ARL6: variants seen among roughly 807,000 people sequenced by gnomAD.
ARL6 encodes ARF like GTPase 6.
ARL6 carries 18 observed loss-of-function variants against 27.1 expected under a neutral mutation model. The observed-to-expected ratio is 0.66, with a 90% CI of 0.46 to 0.98. ARL6 has a LOEUF of 0.98. Among genes scored for constraint, ARL6 ranks in the 50% least tolerant of loss-of-function variants. The pLI is 0.00. For missense variants in ARL6, 187 were observed against 214.9 expected (o/e 0.87, Z 0.81); for synonymous variants, 65 against 72.3 (o/e 0.90, Z 0.51).
rs2036467572 is a variant in ARL6, at chr3:97,768,072, T to G, written c.-27-9T>G. 6.2e-7 allele frequency: 1 copy of G among 1,611,014 alleles called. No homozygotes were observed. Among genetic ancestry groups the G allele is most frequent in the Non-Finnish European group, 8.5e-7 (1 of 1,177,808 alleles). ...CTTTGGGTAATATTTTATTTTTTCT[T>G]AATTGCAGCTGGTTTGTAAATATTT... On this transcript the variant is annotated splice_polypyrimidine_tract_variant and intron_variant, in intron 1 of 7. Transcript: ENST00000463745.
At chr3:97,786,777 T>C (rs1356349710) in intron 5 of ARL6, among the ~76,000 whole-genome samples, 1 of 152,288 alleles carries the variant, frequency 6.6e-6, no homozygotes. Flanking sequence ...AAAAGCTTAA[T>C]AGAAAATGGG....
At chr3:97,775,875 T>A (rs191285827) in intron 2 of ARL6, among the ~76,000 whole-genome samples, 1 of 152,356 alleles carries the variant, frequency 6.6e-6, no homozygotes, top group East Asian at 1.9e-4. Context: ...TAGAGAATGT[T>A]CCATTTGATG....
rs575229317 is a variant in ARL6 at position 97,779,638 on chromosome 3, G to A, written c.124-521G>A. Among the ~76,000 whole-genome samples the A allele has an allele frequency of 1.1e-4, 17 of 152,160 alleles. No homozygotes were observed. In the East Asian group the frequency reaches 2.5e-3, roughly 22 times the overall value. On this transcript the variant is annotated intron_variant, in intron 2 of 7. Transcript: ENST00000463745. ...TCCCAGCACTTTGGGAGCCCAGGGCGGGCAGATCACAAGGTTAGGAGATCG... is the reference window on the plus strand; with the variant it reads ...TCCCAGCACTTTGGGAGCCCAGGGCAGGCAGATCACAAGGTTAGGAGATCG...
chr3:97,793,825 AC>A (rs891409674), intron 7 of ARL6, among the ~76,000 whole-genome samples: 20 of 152,006 alleles, frequency 1.3e-4, no homozygotes, highest in African/African-American at 4.6e-4. Flanking sequence ...AAGCAGTAGT[AC>A]CTCTGTTTTA....
chr3:97,766,113 A>G (rs1158414799), intron 1 of ARL6: 1 of 152,200 alleles, frequency 6.6e-6, no homozygotes, highest in African/African-American at 2.4e-5. Flanking sequence ...CGAATATTCA[A>G]GCATCAGGCT....
intron 4 of ARL6, among the ~76,000 whole-genome samples, chr3:97,781,926 C>G (rs1272753944): frequency 6.6e-6 from 1 of 151,864 alleles, no homozygotes; most frequent in African/African-American, 2.4e-5. Context: ...TAATGTGAGA[C>G]CAAACATTAA....
rs528661409 is a variant in ARL6 at position 97,784,874 on chromosome 3, G to C, written c.255-81G>C. 115 of 958,564 alleles carry C rather than the reference G, an allele frequency of 1.2e-4. 1 individual carries two copies. The highest frequency in any genetic ancestry group is 1.1e-3 in the South Asian group (84 of 73,686). The allele number at this position is 958,564 out of a possible 1,614,324, so 59.4% of individuals were successfully genotyped here. A position where few individuals can be genotyped will look rare whatever the true frequency, so the allele number is the denominator to read the frequency against. On this transcript the variant is annotated intron_variant, in intron 4 of 7. Coordinates refer to ENST00000463745, the MANE Select transcript of ARL6 (RefSeq NM_001278293.3). The stretch of plus-strand genomic sequence containing the variant: ...TAGGACATAAGGAGATAATACTTAG[G>C]TTAGGAAATGCCCATGGATAATAAA...
chr3:97,786,100 C>G (rs2037444355), intron 5 of ARL6, among the ~76,000 whole-genome samples: 2 of 151,892 alleles, frequency 1.3e-5, no homozygotes, highest in South Asian at 4.1e-4. Flanking sequence ...GTAATCCCAG[C>G]ACTTTGGGAG....
chr3:97,798,009 G>A lies in ARL6; in HGVS notation c.536-15G>A. The A allele has an allele frequency of 6.2e-7, 1 of 1,612,296 alleles. No individual in the cohort carries two copies. On this transcript the variant is annotated splice_polypyrimidine_tract_variant and intron_variant, in intron 7 of 7. Transcript: ENST00000463745. ...CTATAGAGATTGATAATTTTTGTTT[G>A]TTTTTTGTTATCAGATCAGATCCAG...
At position 97,800,321 on chromosome 3, in the gene ARL6, A is replaced by G. The variant is rs778306776; in HGVS notation, c.*2272A>G. ...AGTGTGAATAAGCTGAGATTATTGC[A>G]TTTGTATTTAGCATATTATACAATT... On this transcript the variant is annotated 3_prime_UTR_variant, in exon 8 of 8. Transcript: ENST00000463745. 6.6e-6 allele frequency: 1 copy of G among 152,152 alleles called. No homozygotes were observed. Among genetic ancestry groups the G allele is most frequent in the Non-Finnish European group, 1.5e-5 (1 of 68,008 alleles). 9.4% of individuals were successfully genotyped at this position (152,152 alleles called of 1,614,324 possible). A position where few individuals can be genotyped will look rare whatever the true frequency, so the allele number is the denominator to read the frequency against.
chr3:97,775,316 T>C (rs1056084238), intron 2 of ARL6, among the ~76,000 whole-genome samples: 1 of 152,162 alleles, frequency 6.6e-6, no homozygotes, highest in Non-Finnish European at 1.5e-5. Flanking sequence ...AGTCCCACAA[T>C]ATACCATCTG....
chr3:97,768,286 T>G, intron 2 of ARL6, 56 bp downstream of exon 2: 1 of 1,568,466 alleles, frequency 6.4e-7, no homozygotes, highest in East Asian at 2.3e-5. Context: ...AAAATTAATG[T>G]GCAGAATTAT....
Position 97,798,112 on chromosome 3 carries a change from A to T in ARL6, c.*63A>T. 2 of 1,515,208 alleles carry T rather than the reference A, an allele frequency of 1.3e-6. No homozygotes were observed. The highest frequency in any genetic ancestry group is 1.8e-6 in the Non-Finnish European group (2 of 1,094,422). The allele number at this position is 1,515,208 out of a possible 1,614,324, so 93.9% of individuals were successfully genotyped here. A position where few individuals can be genotyped will look rare whatever the true frequency, so the allele number is the denominator to read the frequency against. On this transcript the variant is annotated 3_prime_UTR_variant, in exon 8 of 8. Transcript: ENST00000463745. ...AAGGAATCTATCTAAGACAAATAGA[A>T]TACATTTTGTAAAAGATGTTTATGC...
chr3:97,782,883 G>C (rs1290581629), intron 4 of ARL6, among the ~76,000 whole-genome samples: 1 of 150,470 alleles, frequency 6.6e-6, no homozygotes. Context: ...ACTATGTATA[G>C]AAAGAAGAAA....
At chr3:97,784,824 CA>C (rs966487952) in intron 4 of ARL6, 130 bp from the exon 5 acceptor site, 5 of 595,104 alleles carry the variant, frequency 8.4e-6, no homozygotes, top group African/African-American at 7.4e-5. Context: ...GAAACAACAC[CA>C]AAAATTCTAA....
intron 5 of ARL6, among the ~76,000 whole-genome samples, chr3:97,787,105 A>G (rs767781713): frequency 1.3e-4 from 20 of 152,210 alleles, no homozygotes; most frequent in Non-Finnish European, 2.6e-4. Context: ...CTATATACAC[A>G]TTTATTCATT....
intron 7 of ARL6, among the ~76,000 whole-genome samples, chr3:97,792,452 C>T (rs1169287439): frequency 6.6e-6 from 1 of 152,106 alleles, no homozygotes; most frequent in East Asian, 1.9e-4. Flanking sequence ...CACAGCACTC[C>T]AGCCTGGCAA....
intron 4 of ARL6, among the ~76,000 whole-genome samples, chr3:97,781,477 G>A (rs2037197030): frequency 6.6e-6 from 1 of 152,088 alleles, no homozygotes; most frequent in African/African-American, 2.4e-5. Flanking sequence ...GAGGTCATAT[G>A]TAGGCATTGT....
At chr3:97,776,015 C>CT (rs1276590681) in intron 2 of ARL6, among the ~76,000 whole-genome samples, 2 of 152,186 alleles carry the variant, frequency 1.3e-5, no homozygotes, top group Non-Finnish European at 2.9e-5. Flanking sequence ...AATGATCTGT[C>CT]TATTACTGAG....
Sources: allele counts gnomAD v4.1 joint callset (sites outside exome capture counted in the v4.1 genomes callset), GRCh38; gene constraint gnomAD v4.1.1; transcripts MANE v1.5; gene names NCBI Gene and HGNC (gene_info 2026-07-23, HGNC 2026-07-21).